ATAD2: variants seen among roughly 807,000 people sequenced by gnomAD.
The protein encoded by ATAD2 is ATPase family AAA domain containing 2.
ATAD2 carries 62 observed loss-of-function variants against 168.9 expected under a neutral mutation model. That is an observed-to-expected ratio of 0.37 (90% CI 0.30 to 0.45). The LOEUF (loss-of-function observed/expected upper bound fraction) is 0.45. Among genes scored for constraint, ATAD2 ranks in the 20% least tolerant of loss-of-function variants. The pLI, the probability that ATAD2 is intolerant of heterozygous loss-of-function variation, is 1.00. For synonymous variants in ATAD2, 613 were observed against 571.6 expected (o/e 1.07, Z -1.03); for missense variants, 1,419 against 1,667.8 (o/e 0.85, Z 2.60).
chr8:123,414,183 A>G (rs1315194139), intron 1 of ATAD2, among the ~76,000 whole-genome samples: 1 of 151,602 alleles, frequency 6.6e-6, no homozygotes, highest in Non-Finnish European at 1.5e-5. Flanking sequence ...AGTTGCTAAC[A>G]TTTATATTAT....
chr8:123,394,903 G>C (rs536498752), intron 1 of ATAD2, among the ~76,000 whole-genome samples: 1 of 152,318 alleles, frequency 6.6e-6, no homozygotes, highest in African/African-American at 2.4e-5. Flanking sequence ...CACAATTTCA[G>C]AGACTGAAGG....
upstream of ATAD2, chr8:123,396,488 C>G: frequency 2.1e-6 from 2 of 961,918 alleles, no homozygotes; most frequent in Non-Finnish European, 3.0e-6. Context: ...GCGCGCGCGC[C>G]CAGAATCCCT....
chr8:123,325,824 T>A, intron 26 of ATAD2, 69 bp downstream of exon 26: 3 of 1,556,906 alleles, frequency 1.9e-6, no homozygotes, highest in Non-Finnish European at 2.6e-6. Flanking sequence ...AGAATGCTAC[T>A]AGTCACAAGC....
In ATAD2 at chr8:123,359,691, T is replaced by C. The variant is rs1264489220; in HGVS notation, c.1158-6A>G. The stretch of plus-strand genomic sequence containing the variant: ...GAAAATTTAGTGGGAGGCACCTATT[T>C]AAAAAGATTTTTTAAAACCACACAA... On this transcript the variant is annotated splice_region_variant and splice_polypyrimidine_tract_variant and intron_variant, in intron 9 of 27. Coordinates refer to ENST00000287394, the MANE Select transcript of ATAD2 (RefSeq NM_014109.4). 9.4e-6 allele frequency: 15 copies of C among 1,602,804 alleles called. No individual in the cohort carries two copies. Among genetic ancestry groups the C allele is most frequent in the African/African-American group, 1.3e-5 (1 of 74,538 alleles).
chr8:123,349,560 G>A, intron 13 of ATAD2, 116 bp from the exon 14 acceptor site: 1 of 919,962 alleles, frequency 1.1e-6, no homozygotes. Context: ...ATTTTCTCAG[G>A]GCACCTCACT....
chr8:123,359,128 A>T, intron 11 of ATAD2, 93 bp downstream of exon 11: 2 of 760,838 alleles, frequency 2.6e-6, no homozygotes, highest in Non-Finnish European at 4.2e-6. Flanking sequence ...GGGAACTATC[A>T]CTTAAAAATG....
intron 3 of ATAD2, 39 bp downstream of exon 3, chr8:123,372,597 TA>T (rs1563856605): frequency 6.9e-7 from 1 of 1,439,144 alleles, no homozygotes; most frequent in Admixed American, 2.3e-5. Flanking sequence ...GAATATTAAT[TA>T]CACATTTTAA....
chr8:123,401,769 T>C lies in ATAD2; in HGVS notation c.-2281-594A>G, dbSNP rs754107667. 16 of 749,692 alleles carry C rather than the reference T, an allele frequency of 2.1e-5. No homozygotes were observed. In the Admixed American group the frequency reaches 2.8e-4, roughly 13 times the overall value. 46.4% of individuals were successfully genotyped at this position (749,692 alleles called of 1,614,324 possible). A position where few individuals can be genotyped will look rare whatever the true frequency, so the allele number is the denominator to read the frequency against. On this transcript the variant is annotated intron_variant, in intron 1 of 28. Transcript: ENST00000521903. ...ACCTCGGAGGCCCCCAGCGAATAGT[T>C]CTCAGATGGGGTGCGGCTCAAGAAA...
chr8:123,345,407 A>G (rs117190897), intron 18 of ATAD2, among the ~76,000 whole-genome samples: 1,817 of 152,036 alleles, frequency 0.012, 23 homozygotes, highest in Non-Finnish European at 0.018. Context: ...CATGCCTATA[A>G]TCCACGCACT....
At chr8:123,363,008 A>T (rs11780141) in intron 8 of ATAD2, among the ~76,000 whole-genome samples, 7,263 of 152,310 alleles carry the variant, frequency 0.048, 213 homozygotes, top group Non-Finnish European at 0.064. Context: ...GAAAATTTTT[A>T]ATCACTTCTA....
chr8:123,392,497 A>C (rs1431163860), intron 1 of ATAD2, among the ~76,000 whole-genome samples: 1 of 151,950 alleles, frequency 6.6e-6, no homozygotes. Context: ...CAGTTTTCTC[A>C]TAAAAAAAAA....
intron 1 of ATAD2, chr8:123,380,999 T>C (rs553751557): frequency 2.3e-5 from 5 of 219,734 alleles, no homozygotes; most frequent in Non-Finnish European, 4.5e-5. Context: ...TTTATTATAG[T>C]AGGTACTCAT....
chr8:123,396,753 G>A (rs911921849), upstream of ATAD2, among the ~76,000 whole-genome samples: 5 of 152,164 alleles, frequency 3.3e-5, no homozygotes, highest in Admixed American at 1.3e-4. Context: ...CGGCGGCGGG[G>A]GAAGGGAGGC....
At chr8:123,395,872 T>C (rs1421269347) in intron 1 of ATAD2, among the ~76,000 whole-genome samples, 1 of 151,048 alleles carries the variant, frequency 6.6e-6, no homozygotes, top group Non-Finnish European at 1.5e-5. Flanking sequence ...GGCCAGGGAG[T>C]GGGGGGTCGT....
chr8:123,324,227 C>T (rs1223287532), intron 26 of ATAD2, among the ~76,000 whole-genome samples: 2 of 152,186 alleles, frequency 1.3e-5, no homozygotes, highest in Non-Finnish European at 2.9e-5. Context: ...AGCTCTGCTA[C>T]ATTCAAGAGA....
rs370384214 is a variant in ATAD2 at position 123,344,851 on chromosome 8, G to A, written c.2718+33C>T. Reference sequence around the variant, plus strand: ...TATTGTGGTAGAAACAACTCTTTTTGAAAGTATAATGATACCGCCCCACAT... The same window carrying A: ...TATTGTGGTAGAAACAACTCTTTTTAAAAGTATAATGATACCGCCCCACAT... On this transcript the variant is annotated intron_variant, in intron 19 of 27. Transcript: ENST00000287394. 8 of 1,601,238 alleles carry A rather than the reference G, an allele frequency of 5.0e-6. No homozygotes were observed. In the African/African-American group the frequency reaches 8.0e-5, roughly 16 times the overall value.
intron 1 of ATAD2, among the ~76,000 whole-genome samples, chr8:123,404,828 C>T (rs972022302): frequency 3.3e-5 from 5 of 152,178 alleles, no homozygotes; most frequent in South Asian, 2.1e-4. Context: ...GCGTGAGCCA[C>T]CGCGCCCAGC....
chr8:123,326,514 A>T (rs549251061), intron 25 of ATAD2, among the ~76,000 whole-genome samples: 1 of 152,174 alleles, frequency 6.6e-6, no homozygotes, highest in South Asian at 2.1e-4. Context: ...TTTAAAAAAA[A>T]AAAAGAAAAA....
chr8:123,398,970 A>G (rs1293084783), upstream of ATAD2, among the ~76,000 whole-genome samples: 1 of 152,244 alleles, frequency 6.6e-6, no homozygotes, highest in Non-Finnish European at 1.5e-5. Flanking sequence ...TGGTTTTAAA[A>G]TACTATTTAT....
Sources: gnomAD v4.1 joint callset for allele counts (sites outside exome capture counted in the v4.1 genomes callset) on GRCh38, gnomAD v4.1.1 for gene constraint, MANE v1.5 for transcripts, NCBI Gene and HGNC (gene_info 2026-07-23, HGNC 2026-07-21) for gene names.